The following FAM149A variants were observed in gnomAD, a reference collection of about 807,000 sequenced individuals.
FAM149A encodes family with sequence similarity 149 member A.
A neutral mutation model predicts 78.2 loss-of-function variants in FAM149A; 71 were observed. The observed-to-expected ratio is 0.91, with a 90% CI of 0.75 to 1.11. The LOEUF (loss-of-function observed/expected upper bound fraction) is 1.11, where lower values mean the gene tolerates loss of function less well. Ranked by LOEUF, FAM149A falls within the 50% of genes least tolerant of loss-of-function variation. The pLI, the probability that FAM149A is intolerant of heterozygous loss-of-function variation, is 0.00. For missense variants in FAM149A, 1,036 were observed against 971.0 expected, an observed-to-expected ratio of 1.07 and a Z score of -0.89; for synonymous variants, 446 against 410.5, an observed-to-expected ratio of 1.09 and a Z score of -1.04.
At chr4:186,135,790 AC>A (rs1420351396) in intron 1 of FAM149A, among the ~76,000 whole-genome samples, 1 of 152,188 alleles carries the variant, frequency 6.6e-6, no homozygotes, top group Non-Finnish European at 1.5e-5. Flanking sequence ...AATTTGGAAG[AC>A]CTGTGACAGC....
chr4:186,160,883 G>A (rs1734554616), intron 8 of FAM149A: 2 of 984,898 alleles, frequency 2.0e-6, no homozygotes, highest in Admixed American at 6.1e-5. Context: ...CTTGATGTCT[G>A]CATTTAATAC....
At chr4:186,137,097 G>A (rs1251275605) in intron 1 of FAM149A, among the ~76,000 whole-genome samples, 1 of 151,334 alleles carries the variant, frequency 6.6e-6, no homozygotes, top group Non-Finnish European at 1.5e-5. Context: ...CATATTTGTT[G>A]TGTTTAAAAT....
chr4:186,152,016 G>T lies in FAM149A; in HGVS notation c.903G>T (p.Gly301=). Reference sequence around the variant, plus strand: ...CCCAGAGTCTGCTGGCCGAATGCGGGGAGTGGACAAGAAGATCCCTCCATT... The same window carrying T: ...CCCAGAGTCTGCTGGCCGAATGCGGTGAGTGGACAAGAAGATCCCTCCATT... The change falls in exon 4 of 14, where the codon GGG becomes GGT. Residue 301 remains glycine (G), a synonymous_variant. Coordinates refer to ENST00000389354, the MANE Select transcript of FAM149A (RefSeq NM_001367768.3). 6.2e-7 allele frequency: 1 copy of T among 1,614,098 alleles called. No homozygotes were observed. The highest frequency in any genetic ancestry group is 8.5e-7 in the Non-Finnish European group (1 of 1,180,040).
chr4:186,166,832 A>C (rs1735071468), intron 11 of FAM149A, 136 bp from the exon 12 acceptor site: 1 of 709,120 alleles, frequency 1.4e-6, no homozygotes, highest in South Asian at 1.9e-5. Flanking sequence ...ATTTATCCTT[A>C]GGAGACCTGA....
chr4:186,157,685 G>T lies in FAM149A; in HGVS notation c.1541G>T (p.Gly514Val), dbSNP rs749905941. The stretch of plus-strand genomic sequence containing the variant: ...CCGTCCGGACACGCCGAGGCTCACG[G>T]CATCTCCCTGGCTTCTCGTCTGAAC... The change falls in exon 8 of 14, where the codon GGC (glycine) becomes GTC (valine). Residue 514 changes from glycine to valine, a missense_variant. Gly to Val is a moderately radical substitution (Grantham distance 109). This residue lies in a region of FAM149A where 716 missense variants were observed against 711.8 expected (regional missense o/e 1.01). Transcript: ENST00000389354. The T allele has an allele frequency of 6.2e-6, 10 of 1,613,456 alleles. No individual in the cohort carries two copies. Among genetic ancestry groups the T allele is most frequent in the Middle Eastern group, 1.7e-4 (1 of 6,060 alleles).
At position 186,164,558 on chromosome 4, in the gene FAM149A, T is replaced by C. The variant is rs114103514; in HGVS notation, c.1890-786T>C. On this transcript the variant is annotated intron_variant, in intron 10 of 13. Transcript: ENST00000389354. The surrounding 1 kb of genome is among the most constrained non-coding windows in gnomAD (Gnocchi z 4.0). Reference sequence around the variant, plus strand: ...TGTTTCTTTCACAGTTTGGGACTGATGTTTCCAGCTGTGTTGGGTCTGCTG... The same window carrying C: ...TGTTTCTTTCACAGTTTGGGACTGACGTTTCCAGCTGTGTTGGGTCTGCTG... The C allele has an allele frequency of 8.9e-4, 777 of 869,622 alleles. 6 individuals are homozygous for C. The African/African-American group carries it at 0.013, about 15-fold the overall frequency. The allele number at this position is 869,622 out of a possible 1,614,324, so 53.9% of individuals were successfully genotyped here.
intron 13 of FAM149A, chr4:186,169,336 G>C (rs1287085128): frequency 2.0e-6 from 2 of 985,314 alleles, no homozygotes; most frequent in Non-Finnish European, 2.4e-6. Context: ...ACGACGTAGA[G>C]AGAACGCGGC....
At chr4:186,117,666 C>T in intron 1 of FAM149A, 1 of 984,348 alleles carries the variant, frequency 1.0e-6, no homozygotes, top group Non-Finnish European at 1.2e-6. Flanking sequence ...AGCGTTAAAA[C>T]TAGGGAGAGC....
chr4:186,132,648 G>A (rs980280719), intron 1 of FAM149A, among the ~76,000 whole-genome samples: 1 of 152,286 alleles, frequency 6.6e-6, no homozygotes, highest in East Asian at 1.9e-4. Flanking sequence ...GAATCCACTT[G>A]TTCCAAGACA....
chr4:186,160,419 AACACACC>A (rs1343587202), intron 8 of FAM149A, among the ~76,000 whole-genome samples: 3 of 131,498 alleles, frequency 2.3e-5, no homozygotes, highest in African/African-American at 8.9e-5. Context: ...CCCCCACATA[AACACACC>A]ACACACCAAA....
Position 186,156,019 on chromosome 4 carries a change from CA to C in FAM149A, c.1254del (p.Lys418AsnfsTer40). 6.2e-7 allele frequency: 1 copy of C among 1,612,492 alleles called. No homozygotes were observed. Among genetic ancestry groups the C allele is most frequent in the African/African-American group, 1.3e-5 (1 of 74,914 alleles). ...TCTTAGTGATGATGAATGTCTTGAA[CA>C]AAAACCAGCTCAGCCCGGTAGGAAA... is the stretch of plus-strand genomic sequence containing the variant. On this transcript the variant is annotated frameshift_variant, in exon 7 of 14. Transcript: ENST00000389354. LOFTEE classifies it high-confidence loss of function.
chr4:186,131,775 A>T (rs1419760556), intron 1 of FAM149A: 6 of 391,972 alleles, frequency 1.5e-5, no homozygotes, highest in African/African-American at 4.4e-5. Flanking sequence ...CATGCATCTC[A>T]TCCTCGAGGA....
At chr4:186,160,019 CACAA>C (rs1419894542) in intron 8 of FAM149A, among the ~76,000 whole-genome samples, 16 of 99,610 alleles carry the variant, frequency 1.6e-4, no homozygotes, top group South Asian at 3.4e-4. Context: ...ACACCCCCCA[CACAA>C]ACACACACCC....
At chr4:186,151,018 T>G in intron 3 of FAM149A, 1 of 985,310 alleles carries the variant, frequency 1.0e-6, no homozygotes, top group African/African-American at 1.7e-5. Flanking sequence ...TTGCTTTCTT[T>G]AAAAGTGGTT....
At chr4:186,163,089 A>G in intron 9 of FAM149A, 141 bp downstream of exon 9, 1 of 640,242 alleles carries the variant, frequency 1.6e-6, no homozygotes, top group East Asian at 2.7e-5. Flanking sequence ...CGTCTGGAAG[A>G]GCAGAAACAG....
In FAM149A at chr4:186,173,265, T is replaced by C. The variant is rs1735628640; in HGVS notation, c.*1278T>C. 1.8e-5 allele frequency among the ~76,000 whole-genome samples: 2 copies of C among 113,212 alleles called. No homozygotes were observed. Among genetic ancestry groups the C allele is most frequent in the African/African-American group, 5.5e-5 (2 of 36,094 alleles). 74.3% of individuals were successfully genotyped at this position (113,212 alleles called of 152,430 possible). On this transcript the variant is annotated 3_prime_UTR_variant, in exon 14 of 14. Transcript: ENST00000389354. Reference sequence around the variant, plus strand: ...AGATGTGTTGAGACTAACATTAATGTTGTCCTTTATCACAGGGTGACAAAA... The same window carrying C: ...AGATGTGTTGAGACTAACATTAATGCTGTCCTTTATCACAGGGTGACAAAA...
intron 7 of FAM149A, 93 bp from the exon 8 acceptor site, chr4:186,157,472 C>G: frequency 7.5e-7 from 1 of 1,329,644 alleles, no homozygotes; most frequent in Non-Finnish European, 1.0e-6. Flanking sequence ...CGTGGTAGCT[C>G]AAGCACACAT....
rs1210804020 is a variant in FAM149A, at chr4:186,165,386, G to A, written c.1932G>A (p.Thr644=). ...ACATGGCTTCCCCACTGGTTCAAAC[G>A]TCACGGAGCAGGTTCCCCCCGCTAG... Residue 644 remains threonine (T), a synonymous_variant, in exon 11 of 14, where the codon ACG becomes ACA. Coordinates refer to ENST00000389354, the MANE Select transcript of FAM149A (RefSeq NM_001367768.3). 17 of 1,614,060 alleles carry A rather than the reference G, an allele frequency of 1.1e-5. No individual in the cohort carries two copies. Among genetic ancestry groups the A allele is most frequent in the African/African-American group, 4.0e-5 (3 of 74,934 alleles).
chr4:186,160,001 CCCCCCACACA>C, intron 8 of FAM149A, among the ~76,000 whole-genome samples: 1 of 138,370 alleles, frequency 7.2e-6, no homozygotes, highest in African/African-American at 2.7e-5. Context: ...CTGCACACAT[CCCCCCACACA>C]CCCCCCACAC....
Sources: gnomAD v4.1 joint callset for allele counts (sites outside exome capture counted in the v4.1 genomes callset) on GRCh38, gnomAD v4.1.1 for gene constraint, gnomAD v4.1.1 regional missense constraint, Gnocchi (gnomAD v3.1) non-coding constraint, MANE v1.5 for transcripts, NCBI Gene and HGNC (gene_info 2026-07-23, HGNC 2026-07-21) for gene names.